The following SAMD4A variants were observed in gnomAD, a reference collection of about 807,000 sequenced individuals.
SAMD4A encodes sterile alpha motif domain containing 4A.
In SAMD4A, 33 loss-of-function variants were observed where a neutral mutation model predicts 81.3. That is an observed-to-expected ratio of 0.41 (90% CI 0.31 to 0.54). SAMD4A has a LOEUF of 0.54. Among genes scored for constraint, SAMD4A ranks in the 20% least tolerant of loss-of-function variants. The pLI is 0.37. For missense variants in SAMD4A, 854 were observed against 951.1 expected, an observed-to-expected ratio of 0.90 and a Z score of 1.34; for synonymous variants, 389 against 382.1, an observed-to-expected ratio of 1.02 and a Z score of -0.21.
At chr14:54,652,173 C>T (rs377752935) in intron 2 of SAMD4A, among the ~76,000 whole-genome samples, 2 of 152,218 alleles carry the variant, frequency 1.3e-5, no homozygotes, top group South Asian at 4.1e-4. Flanking sequence ...AATCTTGTTT[C>T]AGTAGCCTGG....
At chr14:54,653,892 G>C (rs1357573909) in intron 2 of SAMD4A, among the ~76,000 whole-genome samples, 1 of 152,148 alleles carries the variant, frequency 6.6e-6, no homozygotes, top group East Asian at 1.9e-4. Context: ...CTTAGCCGGG[G>C]AATCTTACAG....
intron 2 of SAMD4A, among the ~76,000 whole-genome samples, chr14:54,573,840 A>G (rs1347700792): frequency 6.6e-6 from 1 of 152,208 alleles, no homozygotes; most frequent in African/African-American, 2.4e-5. Flanking sequence ...TGCTGCCTAC[A>G]TCCCAAGAGC....
In SAMD4A at chr14:54,760,502, CT is replaced by C; in HGVS notation, c.1510+9del. The stretch of plus-strand genomic sequence containing the variant: ...CACGCGTCATGGGGAAAGGTAGAGC[CT>C]CATTCGCCCATTTCTTTTTTCTTCT... On this transcript the variant is annotated intron_variant, in intron 7 of 12. Transcript: ENST00000554335. The C allele has an allele frequency of 7.2e-7, 1 of 1,385,968 alleles. No individual in the cohort carries two copies. Among genetic ancestry groups the C allele is most frequent in the Non-Finnish European group, 9.3e-7 (1 of 1,078,172 alleles). The allele number at this position is 1,385,968 out of a possible 1,614,324, so 85.9% of individuals were successfully genotyped here.
At chr14:54,723,278 A>G (rs1380186281) in intron 3 of SAMD4A, among the ~76,000 whole-genome samples, 1 of 152,112 alleles carries the variant, frequency 6.6e-6, no homozygotes, top group Non-Finnish European at 1.5e-5. Flanking sequence ...GGAAAGCCCA[A>G]ATGAAAAAGA....
At chr14:54,751,782 C>G (rs1453174207) in intron 6 of SAMD4A, among the ~76,000 whole-genome samples, 1 of 152,204 alleles carries the variant, frequency 6.6e-6, no homozygotes, top group Non-Finnish European at 1.5e-5. Context: ...TCCTAGAGCC[C>G]TGATGAAGTG....
intron 3 of SAMD4A, among the ~76,000 whole-genome samples, chr14:54,726,907 A>G (rs904607880): frequency 1.3e-5 from 2 of 152,186 alleles, no homozygotes; most frequent in African/African-American, 4.8e-5. Flanking sequence ...TCTATTACTC[A>G]TTCAGGGTAA....
At chr14:54,654,461 G>A (rs1470808855) in intron 2 of SAMD4A, among the ~76,000 whole-genome samples, 1 of 152,130 alleles carries the variant, frequency 6.6e-6, no homozygotes, top group South Asian at 2.1e-4. Flanking sequence ...CCCCTGGGCC[G>A]GTGACCCCAC....
At position 54,789,085 on chromosome 14, in the gene SAMD4A, G is replaced by C. The variant is rs2039213830; in HGVS notation, c.*141G>C. On this transcript the variant is annotated 3_prime_UTR_variant, in exon 13 of 13. Coordinates refer to ENST00000554335, the MANE Select transcript of SAMD4A (RefSeq NM_015589.6). ...CTGGTCCCTCTCCCGTTTTGATTTT[G>C]TGAGAGCGTAGGTCATCCTCGTAAA... is the stretch of plus-strand genomic sequence containing the variant. The C allele has an allele frequency of 1.1e-6, 1 of 898,248 alleles. No homozygotes were observed. The highest frequency in any genetic ancestry group is 1.8e-6 in the Non-Finnish European group (1 of 552,562). The allele number at this position is 898,248 out of a possible 1,614,324, so 55.6% of individuals were successfully genotyped here. A position where few individuals can be genotyped will look rare whatever the true frequency, so the allele number is the denominator to read the frequency against.
At chr14:54,628,918 T>C (rs2034829175) in intron 2 of SAMD4A, among the ~76,000 whole-genome samples, 1 of 152,198 alleles carries the variant, frequency 6.6e-6, no homozygotes, top group East Asian at 1.9e-4. Flanking sequence ...GTTTTGGTTT[T>C]TTTTTAAACA....
rs578229219 is a variant in SAMD4A, at chr14:54,776,891, AAGTG to A, written c.2044+354_2044+357del. 2.7e-3 allele frequency among the ~76,000 whole-genome samples: 410 copies of A among 151,412 alleles called. 1 individual carries two copies. The highest frequency in any genetic ancestry group is 9.3e-3 in the African/African-American group (384 of 41,248). ...GTGTGTGTGTGTGTGTGGAAAGAGA[AAGTG>A]AGAGTGAGACAGAGAAAGAGAAAAC... is the stretch of plus-strand genomic sequence containing the variant. On this transcript the variant is annotated intron_variant, in intron 11 of 12. Coordinates refer to ENST00000554335, the MANE Select transcript of SAMD4A (RefSeq NM_015589.6).
At chr14:54,583,284 T>A (rs1044643814) in intron 2 of SAMD4A, among the ~76,000 whole-genome samples, 1 of 152,204 alleles carries the variant, frequency 6.6e-6, no homozygotes, top group Non-Finnish European at 1.5e-5. Flanking sequence ...TGGGGCATAC[T>A]TATACCACAT....
intron 2 of SAMD4A, among the ~76,000 whole-genome samples, chr14:54,623,985 T>C (rs1395784017): frequency 6.6e-6 from 1 of 152,192 alleles, no homozygotes; most frequent in East Asian, 1.9e-4. Flanking sequence ...ATTCCTTTTT[T>C]TTTTCTTTTT....
chr14:54,626,060 G>GCA (rs2034750857), intron 2 of SAMD4A, among the ~76,000 whole-genome samples: 2 of 81,372 alleles, frequency 2.5e-5, no homozygotes, highest in Admixed American at 1.1e-4. Context: ...GTGTGTGTGT[G>GCA]CGCGCGCGCG....
chr14:54,756,737 C>T (rs538701916), intron 6 of SAMD4A, among the ~76,000 whole-genome samples: 3 of 152,342 alleles, frequency 2.0e-5, no homozygotes, highest in South Asian at 2.1e-4. Context: ...CTGCTCAAGA[C>T]TCTCTTTTCC....
chr14:54,624,474 C>G (rs1248311263), intron 2 of SAMD4A, among the ~76,000 whole-genome samples: 2 of 152,188 alleles, frequency 1.3e-5, no homozygotes, highest in African/African-American at 2.4e-5. Flanking sequence ...TAAGAACTTT[C>G]GAAGACTACC....
chr14:54,607,718 T>C (rs1050134764), intron 2 of SAMD4A, among the ~76,000 whole-genome samples: 8 of 152,060 alleles, frequency 5.3e-5, no homozygotes, highest in African/African-American at 1.9e-4. Flanking sequence ...CCTCCCAAAG[T>C]GCTGGGATTA....
chr14:54,614,995 T>C (rs2034456475), intron 2 of SAMD4A, among the ~76,000 whole-genome samples: 1 of 152,160 alleles, frequency 6.6e-6, no homozygotes, highest in South Asian at 2.1e-4. Flanking sequence ...TGTGTTTAAT[T>C]AAGATTAACT....
rs2039236410 is a variant in SAMD4A at position 54,790,260 on chromosome 14, G to A, written c.*1316G>A. On this transcript the variant is annotated 3_prime_UTR_variant, in exon 13 of 13. Transcript: ENST00000554335. The stretch of plus-strand genomic sequence containing the variant: ...CAGTCAGCAAGTCCAGAGAGCACAT[G>A]CAGGGAGATGTTTGGCCCACACCGC... The A allele has an allele frequency of 6.6e-6, 1 of 152,488 alleles. No homozygotes were observed. The highest frequency in any genetic ancestry group is 6.5e-5 in the Admixed American group (1 of 15,302). The allele number at this position is 152,488 out of a possible 1,614,324, so 9.4% of individuals were successfully genotyped here.
intron 2 of SAMD4A, among the ~76,000 whole-genome samples, chr14:54,599,984 T>C (rs563648419): frequency 6.6e-6 from 1 of 152,332 alleles, no homozygotes; most frequent in South Asian, 2.1e-4. Context: ...TGTATTCCTG[T>C]ATACACCCAG....
Sources: allele counts gnomAD v4.1 joint callset (sites outside exome capture counted in the v4.1 genomes callset), GRCh38; gene constraint gnomAD v4.1.1; transcripts MANE v1.5; gene names NCBI Gene and HGNC (gene_info 2026-07-23, HGNC 2026-07-21).